Variants in COL18A1 observed in about 807,000 individuals in gnomAD.
COL18A1 encodes collagen alpha-1(XVIII) chain.
Under a neutral mutation model 168.0 loss-of-function variants are expected in COL18A1, and 133 were observed. The ratio of observed to expected loss-of-function variants is 0.79; its 90% confidence interval spans 0.69 to 0.91. The LOEUF is 0.91. Ranked by LOEUF, COL18A1 falls within the 40% of genes least tolerant of loss-of-function variation. The pLI is 0.00. For synonymous variants in COL18A1, 949 were observed against 809.0 expected (o/e 1.17, Z -2.94); for missense variants, 2,126 against 1,925.4 (o/e 1.10, Z -1.95).
rs1294712343 is a variant in COL18A1 at position 45,505,246 on chromosome 21, G to A, written c.2981G>A (p.Gly994Glu). Residue 994 changes from glycine (G) to glutamate (E), a missense_variant, in exon 35 of 42, where the codon GGG becomes GAG. Coordinates refer to ENST00000651438, the MANE Select transcript of COL18A1 (RefSeq NM_001379500.1). ...CCTCCCGGCCCCCCAGGCCCCCCAG[G>A]GCCCCCTTCATTTCCTGGCCCTCAC... ...QGPPGPPGPPGPPSFPGPHRQ... is the reference protein window; with the variant it reads ...QGPPGPPGPPEPPSFPGPHRQ... The A allele has an allele frequency of 5.0e-6, 8 of 1,605,420 alleles. No individual in the cohort carries two copies. Among genetic ancestry groups the A allele is most frequent in the East Asian group, 2.2e-5 (1 of 44,456 alleles).
intron 4 of COL18A1, among the ~76,000 whole-genome samples, chr21:45,474,596 G>T (rs148377947): frequency 7.9e-5 from 12 of 152,120 alleles, no homozygotes; most frequent in African/African-American, 2.9e-4. Flanking sequence ...GTGTTGGTGG[G>T]GTGTGTGGAA....
chr21:45,407,952 C>A (rs764258823), intron 2 of COL18A1: 1 of 152,254 alleles, frequency 6.6e-6, no homozygotes, highest in Non-Finnish European at 1.5e-5. Flanking sequence ...GGGCACACGG[C>A]GCCTAGGTAA....
chr21:45,422,747 C>CCTG, intron 2 of COL18A1: 1 of 248,918 alleles, frequency 4.0e-6, no homozygotes, highest in Non-Finnish European at 8.1e-6. Context: ...GGGGCCTGTT[C>CCTG]TTTGGGAGAC....
chr21:45,488,305 T>G, intron 17 of COL18A1, 113 bp from the exon 18 acceptor site: 1 of 1,334,068 alleles, frequency 7.5e-7, no homozygotes, highest in Non-Finnish European at 1.1e-6. Flanking sequence ...ACATTTCCTT[T>G]TACACACGTA....
chr21:45,483,498 C>T (rs2236472), intron 15 of COL18A1, among the ~76,000 whole-genome samples: 29,422 of 151,972 alleles, frequency 0.19, 3,000 homozygotes, highest in Middle Eastern at 0.26. Context: ...TTCTGTTCTG[C>T]GGAAATTGAG....
intron 2 of COL18A1, among the ~76,000 whole-genome samples, chr21:45,446,329 A>G (rs896877921): frequency 1.3e-5 from 2 of 152,232 alleles, no homozygotes; most frequent in East Asian, 3.8e-4. Flanking sequence ...TTACCATCGC[A>G]TTGTAAGTCT....
chr21:45,480,890 G>A (rs902090357), intron 13 of COL18A1, 32 bp downstream of exon 13: 14 of 1,592,184 alleles, frequency 8.8e-6, no homozygotes, highest in Non-Finnish European at 1.2e-5. Context: ...AGTGTCGGGA[G>A]CCCTGTCTGC....
chr21:45,472,159 C>T (rs1414331307), intron 3 of COL18A1, among the ~76,000 whole-genome samples: 2 of 151,946 alleles, frequency 1.3e-5, no homozygotes, highest in East Asian at 1.9e-4. Flanking sequence ...AGTCCCTCCC[C>T]GACACCAAGA....
At chr21:45,494,025 C>T in intron 26 of COL18A1, 1 of 254,612 alleles carries the variant, frequency 3.9e-6, no homozygotes. Flanking sequence ...CAGCAGGCAG[C>T]CGCCCAGAAA....
chr21:45,427,734 G>A (rs1016987461), intron 2 of COL18A1, among the ~76,000 whole-genome samples: 7 of 152,194 alleles, frequency 4.6e-5, no homozygotes, highest in South Asian at 4.1e-4. Flanking sequence ...CTGGTCTGCC[G>A]GGCCGAGCAT....
In COL18A1 at chr21:45,488,448, A is replaced by G. The variant is rs768941237; in HGVS notation, c.1923+4A>G. The G allele has an allele frequency of 3.1e-6, 5 of 1,613,786 alleles. No homozygotes were observed. The highest frequency in any genetic ancestry group is 4.2e-6 in the Non-Finnish European group (5 of 1,179,992). ...TCCCGGCCTGCCGGGACTTAAGGTC[A>G]GTGACGGATATGTCTGGGTTTCTGT... On this transcript the variant is annotated splice_donor_region_variant and intron_variant, in intron 18 of 41. Coordinates refer to ENST00000651438, the MANE Select transcript of COL18A1 (RefSeq NM_001379500.1).
chr21:45,474,964 G>T (rs887942003), intron 4 of COL18A1, among the ~76,000 whole-genome samples: 45 of 152,320 alleles, frequency 3.0e-4, no homozygotes, highest in African/African-American at 1.0e-3. Flanking sequence ...TGCTGGGTGC[G>T]GGGGGTCGCC....
At chr21:45,458,083 G>A (rs926161862) in intron 2 of COL18A1, among the ~76,000 whole-genome samples, 3 of 150,334 alleles carry the variant, frequency 2.0e-5, no homozygotes, top group African/African-American at 7.4e-5. Flanking sequence ...TAAAGCCCAC[G>A]TGGGCTGGAA....
rs2037445697 is a variant in COL18A1 at position 45,509,526 on chromosome 21, C to CA, written c.3421dup (p.Ser1141LysfsTer107). The stretch of plus-strand genomic sequence containing the variant: ...AGCCCTACCCCGGAGCCCCGCACCA[C>CA]AGCTCCTACGTGCACCTGCGGCCGG... On this transcript the variant is annotated frameshift_variant, in exon 39 of 42. Transcript: ENST00000651438. LOFTEE classifies it high-confidence loss of function. 1 of 1,536,336 alleles carries CA rather than the reference C, an allele frequency of 6.5e-7. No homozygotes were observed. The highest frequency in any genetic ancestry group is 8.8e-7 in the Non-Finnish European group (1 of 1,142,248).
At chr21:45,469,203 G>A (rs2035323721) in intron 3 of COL18A1, among the ~76,000 whole-genome samples, 1 of 152,246 alleles carries the variant, frequency 6.6e-6, no homozygotes, top group Admixed American at 6.5e-5. Context: ...GGTGAAGTGG[G>A]GCTCCCGGCC....
In COL18A1 at chr21:45,437,926, A is replaced by G. The variant is rs1189490947; in HGVS notation, c.107-30316A>G. Among the ~76,000 whole-genome samples the G allele has an allele frequency of 5.2e-5, 3 of 57,726 alleles. 1 individual carries two copies. The highest frequency in any genetic ancestry group is 5.9e-5 in the Non-Finnish European group (2 of 33,924). The allele number at this position is 57,726 out of a possible 152,430, so 37.9% of individuals were successfully genotyped here. A position where few individuals can be genotyped will look rare whatever the true frequency, so the allele number is the denominator to read the frequency against. On this transcript the variant is annotated intron_variant, in intron 2 of 41. Coordinates refer to ENST00000651438, the MANE Select transcript of COL18A1 (RefSeq NM_001379500.1). ...CACTCAGACACAGGCACTCTCCTGC[A>G]CACACACACACACACTCAGACACAC...
chr21:45,475,099 CA>C (rs1391702829), intron 4 of COL18A1, among the ~76,000 whole-genome samples: 1 of 152,220 alleles, frequency 6.6e-6, no homozygotes, highest in Non-Finnish European at 1.5e-5. Context: ...GTGTTCGGCC[CA>C]GCCGGGCGTG....
chr21:45,445,313 A>G (rs900974988), intron 2 of COL18A1, among the ~76,000 whole-genome samples: 1 of 152,222 alleles, frequency 6.6e-6, no homozygotes, highest in Admixed American at 6.5e-5. Context: ...TCACTGAATA[A>G]TGTCCCACCA....
intron 34 of COL18A1, 152 bp downstream of exon 34, chr21:45,504,708 A>G: frequency 1.4e-6 from 1 of 703,878 alleles, no homozygotes; most frequent in Non-Finnish European, 2.4e-6. Context: ...CCGTGTGGGG[A>G]CGCAGCAGGC....
Sources: allele counts gnomAD v4.1 joint callset (sites outside exome capture counted in the v4.1 genomes callset), GRCh38; gene constraint gnomAD v4.1.1; transcripts MANE v1.5; gene names NCBI Gene and HGNC (gene_info 2026-07-23, HGNC 2026-07-21).